The following GAD2 variants were observed in gnomAD, a reference collection of about 807,000 sequenced individuals.
GAD2 encodes the protein glutamate decarboxylase 2, also known as 65 kDa glutamic acid decarboxylase.
GAD2 carries 22 observed loss-of-function variants against 80.1 expected under a neutral mutation model. That is an observed-to-expected ratio of 0.27 (90% CI 0.20 to 0.39). The LOEUF (loss-of-function observed/expected upper bound fraction) is 0.39, where lower values mean the gene tolerates loss of function less well. Among genes scored for constraint, GAD2 ranks in the 10% least tolerant of loss-of-function variants. The probability of loss-of-function intolerance (pLI) is 1.00; values close to 1 mark genes in which losing one functional copy is unlikely to be tolerated. For synonymous variants in GAD2, 274 were observed against 256.9 expected (o/e 1.07, Z -0.64); for missense variants, 624 against 738.4 (o/e 0.85, Z 1.80).
intron 3 of GAD2, among the ~76,000 whole-genome samples, chr10:26,218,710 T>G (rs539134275): frequency 6.6e-6 from 1 of 152,174 alleles, no homozygotes; most frequent in Non-Finnish European, 1.5e-5. Flanking sequence ...TGTAAACATG[T>G]AAGATGGTTT....
intron 4 of GAD2, among the ~76,000 whole-genome samples, chr10:26,222,333 A>G (rs1211591077): frequency 6.6e-6 from 1 of 152,158 alleles, no homozygotes; most frequent in Non-Finnish European, 1.5e-5. Flanking sequence ...ATACTGTCTA[A>G]TCATAGACAC....
chr10:26,217,170 G>C lies in GAD2; in HGVS notation c.76+285G>C, dbSNP rs1408490813. Among the ~76,000 whole-genome samples the C allele has an allele frequency of 6.6e-6, 1 of 151,990 alleles. No individual in the cohort carries two copies. Among genetic ancestry groups the C allele is most frequent in the East Asian group, 1.9e-4 (1 of 5,186 alleles). ...GGGGACATGGAATTCCGTGGTCCTGGGGCGCTGCTAAGATCCGGGTGTCTG... is the reference window on the plus strand; with the variant it reads ...GGGGACATGGAATTCCGTGGTCCTGCGGCGCTGCTAAGATCCGGGTGTCTG... On this transcript the variant is annotated intron_variant, in intron 1 of 15. Transcript: ENST00000376261. The surrounding 1 kb of genome is among the most constrained non-coding windows in gnomAD (Gnocchi z 4.9).
At chr10:26,224,097 C>G (rs1189128755) in intron 5 of GAD2, 120 bp downstream of exon 5, 1 of 663,266 alleles carries the variant, frequency 1.5e-6, no homozygotes, top group Non-Finnish European at 2.6e-6. Flanking sequence ...GTGATACAAA[C>G]TTCTGAAGTG....
At chr10:26,251,072 T>C (rs1385709204) in intron 8 of GAD2, among the ~76,000 whole-genome samples, 1 of 129,298 alleles carries the variant, frequency 7.7e-6, no homozygotes, top group Non-Finnish European at 1.6e-5. Flanking sequence ...TTTTTTTTTT[T>C]GTATTTTTTA....
At chr10:26,260,742 C>G (rs1844999822) in intron 8 of GAD2, among the ~76,000 whole-genome samples, 1 of 152,214 alleles carries the variant, frequency 6.6e-6, no homozygotes, top group African/African-American at 2.4e-5. Flanking sequence ...CCAGTTTACA[C>G]TTCCCCAGTA....
At chr10:26,244,837 C>G (rs1407624075) in intron 7 of GAD2, among the ~76,000 whole-genome samples, 2 of 152,118 alleles carry the variant, frequency 1.3e-5, no homozygotes, top group African/African-American at 4.8e-5. Context: ...ATATTTGAAA[C>G]CACTGAAATG....
At chr10:26,267,760 T>C (rs1845088750) in intron 8 of GAD2, among the ~76,000 whole-genome samples, 1 of 152,076 alleles carries the variant, frequency 6.6e-6, no homozygotes, top group Non-Finnish European at 1.5e-5. Context: ...TCACGCCTCC[T>C]TTATTGGCCT....
intron 7 of GAD2, among the ~76,000 whole-genome samples, chr10:26,244,871 G>A (rs1396924796): frequency 1.3e-5 from 2 of 152,148 alleles, no homozygotes; most frequent in African/African-American, 4.8e-5. Context: ...GGTTAATAAG[G>A]CTGGGCACAG....
At chr10:26,228,607 G>T (rs74129124) in intron 6 of GAD2, among the ~76,000 whole-genome samples, 2,693 of 152,266 alleles carry the variant, frequency 0.018, 90 homozygotes, top group African/African-American at 0.061. Flanking sequence ...AGGTGAGCAA[G>T]GGGCAAGCGA....
chr10:26,249,690 G>A (rs11015014), intron 8 of GAD2, among the ~76,000 whole-genome samples: 33,335 of 152,124 alleles, frequency 0.22, 3,986 homozygotes, highest in East Asian at 0.31. Flanking sequence ...AGGTGTGACC[G>A]CAGAAGTGGT....
chr10:26,229,215 A>T (rs1844567933), intron 6 of GAD2, among the ~76,000 whole-genome samples: 1 of 151,260 alleles, frequency 6.6e-6, no homozygotes, highest in African/African-American at 2.4e-5. Flanking sequence ...AAAAAAGTTG[A>T]TTAGCAGCTT....
intron 11 of GAD2, among the ~76,000 whole-genome samples, chr10:26,278,075 T>C (rs1589151193): frequency 6.6e-6 from 1 of 152,182 alleles, no homozygotes; most frequent in Non-Finnish European, 1.5e-5. Flanking sequence ...GCCATCTTTA[T>C]GCCTCTGAGA....
chr10:26,227,909 G>A lies in GAD2; in HGVS notation c.725-1753G>A, dbSNP rs558424191. On this transcript the variant is annotated intron_variant, in intron 6 of 15. Coordinates refer to ENST00000376261, the MANE Select transcript of GAD2 (RefSeq NM_001134366.2). ...TCTAGAGTCCAGAAAGGAAGGAATC[G>A]CCCTGATTTTGATTGAGGACAGAGG... Among the ~76,000 whole-genome samples the A allele has an allele frequency of 1.3e-3, 200 of 152,270 alleles. 1 individual carries two copies. The highest frequency in any genetic ancestry group is 4.5e-3 in the African/African-American group (188 of 41,548).
At chr10:26,267,421 G>A (rs1430373098) in intron 8 of GAD2, among the ~76,000 whole-genome samples, 2 of 152,248 alleles carry the variant, frequency 1.3e-5, no homozygotes, top group Non-Finnish European at 2.9e-5. Context: ...TTTAAGGGAT[G>A]CCCCCAGGCA....
At chr10:26,292,826 A>G in intron 14 of GAD2, 76 bp from the exon 15 acceptor site, 6 of 1,212,164 alleles carry the variant, frequency 4.9e-6, no homozygotes, top group South Asian at 3.7e-5. Flanking sequence ...TGCTGAATAC[A>G]TCGATTTGAA....
intron 7 of GAD2, among the ~76,000 whole-genome samples, chr10:26,244,830 T>C (rs993319526): frequency 6.6e-6 from 1 of 152,150 alleles, no homozygotes; most frequent in African/African-American, 2.4e-5. Context: ...TGTGAATATA[T>C]TTGAAACCAC....
chr10:26,251,234 G>A (rs1844878157), intron 8 of GAD2, among the ~76,000 whole-genome samples: 1 of 151,878 alleles, frequency 6.6e-6, no homozygotes, highest in South Asian at 2.1e-4. Flanking sequence ...GATAACATGA[G>A]TATTTTTCCA....
At chr10:26,289,108 T>C (rs1834184348) in intron 13 of GAD2, among the ~76,000 whole-genome samples, 1 of 152,066 alleles carries the variant, frequency 6.6e-6, no homozygotes, top group African/African-American at 2.4e-5. Flanking sequence ...ATGATAATCA[T>C]TATTAAAGTA....
rs146029553 is a variant in GAD2, at chr10:26,263,478, G to A, written c.921-5641G>A. ...GGCTACCCATGTTGGTATCAGCTAT[G>A]TAAAGACACGGGGAGCTCTTTTCCC... On this transcript the variant is annotated intron_variant, in intron 8 of 15. Coordinates refer to ENST00000376261, the MANE Select transcript of GAD2 (RefSeq NM_001134366.2). 3.3e-3 allele frequency among the ~76,000 whole-genome samples: 506 copies of A among 152,314 alleles called. 3 individuals are homozygous for A. Among genetic ancestry groups the A allele is most frequent in the East Asian group, 0.017 (89 of 5,184 alleles).
Sources: gnomAD v4.1 joint callset for allele counts (sites outside exome capture counted in the v4.1 genomes callset) on GRCh38, gnomAD v4.1.1 for gene constraint, Gnocchi (gnomAD v3.1) non-coding constraint, MANE v1.5 for transcripts, NCBI Gene and HGNC (gene_info 2026-07-23, HGNC 2026-07-21) for gene names.